TMEM26: variants seen among roughly 807,000 people sequenced by gnomAD.
TMEM26 encodes the protein transmembrane protein 26.
TMEM26 carries 38 observed loss-of-function variants against 28.8 expected under a neutral mutation model. The ratio of observed to expected loss-of-function variants is 1.32; its 90% CI spans 1.02 to 1.73. The LOEUF is 1.73. Among genes scored for constraint, TMEM26 ranks in the 40% most tolerant of loss-of-function variants. The probability of loss-of-function intolerance (pLI) is 0.00; values close to 1 mark genes in which losing one functional copy is unlikely to be tolerated. For synonymous variants in TMEM26, 227 were observed against 182.9 expected (o/e 1.24, Z -1.95); for missense variants, 518 against 447.1 (o/e 1.16, Z -1.43).
At chr10:61,432,911 C>T (rs1365071098) in intron 2 of TMEM26, among the ~76,000 whole-genome samples, 4 of 152,016 alleles carry the variant, frequency 2.6e-5, no homozygotes, top group Non-Finnish European at 5.9e-5. Context: ...GCAGCTAAGC[C>T]TCCAAGAAAA....
chr10:61,452,621 T>A (rs993873027), intron 1 of TMEM26: 2 of 445,346 alleles, frequency 4.5e-6, no homozygotes, highest in Non-Finnish European at 4.1e-6. Context: ...TTCCTCTCTT[T>A]ACTCATCTTC....
intron 4 of TMEM26, among the ~76,000 whole-genome samples, chr10:61,415,387 C>T (rs1481586547): frequency 6.6e-6 from 1 of 152,044 alleles, no homozygotes; most frequent in East Asian, 1.9e-4. Flanking sequence ...CCTCTTTACA[C>T]AGTCAATGTC....
At chr10:61,416,481 T>C (rs918057933) in intron 4 of TMEM26, among the ~76,000 whole-genome samples, 2 of 152,044 alleles carry the variant, frequency 1.3e-5, no homozygotes, top group Non-Finnish European at 2.9e-5. Flanking sequence ...TACTGGATTA[T>C]ATAATAATTT....
intron 1 of TMEM26, among the ~76,000 whole-genome samples, chr10:61,443,464 CA>C (rs397845546): frequency 1.3e-3 from 169 of 130,892 alleles, no homozygotes; most frequent in Admixed American, 2.2e-3. Context: ...GACTCCATCT[CA>C]AAAAAAAAAA....
chr10:61,453,111 T>C lies in TMEM26; in HGVS notation c.-30A>G. 1 of 1,600,264 alleles carries C rather than the reference T, an allele frequency of 6.2e-7. No homozygotes were observed. On this transcript the variant is annotated 5_prime_UTR_variant, in exon 1 of 6. Coordinates refer to ENST00000399298, the MANE Select transcript of TMEM26 (RefSeq NM_178505.8). Reference sequence around the variant, plus strand: ...GCCGGAGCACTCTGCCTACGTCCCCTTGCCTGCGCCCCCAGGACCCTGCCG... The same window carrying C: ...GCCGGAGCACTCTGCCTACGTCCCCCTGCCTGCGCCCCCAGGACCCTGCCG...
rs73265836 is a variant in TMEM26 at position 61,432,887 on chromosome 10, G to A, written c.271-1555C>T. Among the ~76,000 whole-genome samples, 995 of 152,240 alleles carry A rather than the reference G, an allele frequency of 6.5e-3. 16 individuals are homozygous for A. The highest frequency in any genetic ancestry group is 0.023 in the African/African-American group (941 of 41,538). ...ATACAGTTGTTTGCACACTTTGTGT[G>A]TGTGTATATGTGTGCAGCTAAGCCT... On this transcript the variant is annotated intron_variant, in intron 2 of 5. Transcript: ENST00000399298.
chr10:61,431,141 A>T (rs1839914817), intron 3 of TMEM26, 78 bp downstream of exon 3: 3 of 1,124,234 alleles, frequency 2.7e-6, no homozygotes. Context: ...GCTGGGAAGC[A>T]TGTATAGCAG....
intron 3 of TMEM26, among the ~76,000 whole-genome samples, chr10:61,429,505 T>A (rs77872780): frequency 0.11 from 16,675 of 151,902 alleles, 1,173 homozygotes; most frequent in East Asian, 0.21. Context: ...AAAATCCATA[T>A]TAATATCACA....
chr10:61,437,121 CTGACACG>C (rs1226539407), intron 1 of TMEM26, among the ~76,000 whole-genome samples: 1 of 152,174 alleles, frequency 6.6e-6, no homozygotes, highest in Admixed American at 6.5e-5. Context: ...GACTCCCTTC[CTGACACG>C]TAGACAGTGC....
chr10:61,436,289 G>T, intron 1 of TMEM26, 41 bp from the exon 2 acceptor site: 1 of 1,341,252 alleles, frequency 7.5e-7, no homozygotes. Flanking sequence ...GCTAATTTAA[G>T]CTAATTTTCC....
chr10:61,417,465 GTTT>G (rs71018971), intron 4 of TMEM26, among the ~76,000 whole-genome samples: 1 of 139,964 alleles, frequency 7.1e-6, no homozygotes, highest in Admixed American at 7.1e-5. Context: ...AATTCATCTA[GTTT>G]TTTTTTTTTT....
chr10:61,452,988 TC>T lies in TMEM26; in HGVS notation c.93del (p.Lys32ArgfsTer42). On this transcript the variant is annotated frameshift_variant, in exon 1 of 6. Coordinates refer to ENST00000399298, the MANE Select transcript of TMEM26 (RefSeq NM_178505.8). LOFTEE classifies it high-confidence loss of function. Reference protein sequence around the residue: ...LVGVWRVTEVKKEPRYWLLAL... With the variant: ...LVGVWRVTEVXKEPRYWLLAL... Reference sequence around the variant, plus strand: ...GCAAGCAGCCAGTACCGCGGCTCCTTCTTCACCTCGGTCACTCGCCAGACCC... The same window carrying T: ...GCAAGCAGCCAGTACCGCGGCTCCTTTTCACCTCGGTCACTCGCCAGACCC... The T allele has an allele frequency of 6.2e-7, 1 of 1,613,950 alleles. No homozygotes were observed. Among genetic ancestry groups the T allele is most frequent in the South Asian group, 1.1e-5 (1 of 91,082 alleles).
chr10:61,417,390 T>A (rs1839670354), intron 4 of TMEM26, among the ~76,000 whole-genome samples: 1 of 151,622 alleles, frequency 6.6e-6, no homozygotes. Flanking sequence ...ATTTTGCCAA[T>A]GTGCTTAGCT....
At position 61,406,888 on chromosome 10, in the gene TMEM26, C is replaced by A. The variant is rs1263767131; in HGVS notation, c.*3434G>T. 2 of 151,888 alleles carry A rather than the reference C, an allele frequency of 1.3e-5. No homozygotes were observed. The highest frequency in any genetic ancestry group is 4.8e-5 in the African/African-American group (2 of 41,350). 9.4% of individuals were successfully genotyped at this position (151,888 alleles called of 1,614,324 possible). A position where few individuals can be genotyped will look rare whatever the true frequency, so the allele number is the denominator to read the frequency against. On this transcript the variant is annotated 3_prime_UTR_variant, in exon 6 of 6. Coordinates refer to ENST00000399298, the MANE Select transcript of TMEM26 (RefSeq NM_178505.8). Reference sequence around the variant, plus strand: ...CTCAAAGCTGTAAACATCCTCCAGCCGCCTAGTTTAACCCCAAATCAGATG... The same window carrying A: ...CTCAAAGCTGTAAACATCCTCCAGCAGCCTAGTTTAACCCCAAATCAGATG...
At position 61,413,533 on chromosome 10, in the gene TMEM26, T is replaced by G. The variant is rs769654296; in HGVS notation, c.608A>C (p.Asn203Thr). 107 of 1,599,452 alleles carry G rather than the reference T, an allele frequency of 6.7e-5. No homozygotes were observed. In the South Asian group the frequency reaches 1.0e-3, roughly 16 times the overall value. ...GATGGCATAGACTAGTGCAGGACTATTCCTAGAATACAGACAAAATGTTAA... is the reference window on the plus strand; with the variant it reads ...GATGGCATAGACTAGTGCAGGACTAGTCCTAGAATACAGACAAAATGTTAA... ...SETLEEQNVR[N>T]SPALVYAILV... is the part of the protein sequence containing the mutation. The change falls in exon 5 of 6, where the codon AAT (asparagine) becomes ACT (threonine). Residue 203 changes from asparagine to threonine, a missense_variant and splice_region_variant. Coordinates refer to ENST00000399298, the MANE Select transcript of TMEM26 (RefSeq NM_178505.8).
chr10:61,447,814 C>A (rs1424665427), intron 1 of TMEM26, among the ~76,000 whole-genome samples: 1 of 152,188 alleles, frequency 6.6e-6, no homozygotes, highest in African/African-American at 2.4e-5. Context: ...CCAGCCAGGC[C>A]TCTCTGACCA....
intron 4 of TMEM26, among the ~76,000 whole-genome samples, chr10:61,421,225 A>G (rs1839741774): frequency 6.6e-6 from 1 of 152,160 alleles, no homozygotes; most frequent in South Asian, 2.1e-4. Flanking sequence ...GGAGAAATTA[A>G]CAAGAAATTG....
In TMEM26 at chr10:61,415,891, T is replaced by C. The variant is rs555188618; in HGVS notation, c.606-2356A>G. ...TCAAGAAACTAAAAACTAGAGATAA[T>C]TCCTTAGAAGTTTTATTTCATATGT... On this transcript the variant is annotated intron_variant, in intron 4 of 5. Transcript: ENST00000399298. 3.2e-4 allele frequency among the ~76,000 whole-genome samples: 48 copies of C among 152,144 alleles called. No individual in the cohort carries two copies. The South Asian group carries it at 4.1e-3, about 13-fold the overall frequency.
At chr10:61,452,792 C>T (rs1210000960) in intron 1 of TMEM26, 99 bp downstream of exon 1, 44 of 1,416,064 alleles carry the variant, frequency 3.1e-5, no homozygotes, top group Middle Eastern at 2.0e-4. Context: ...GGTCCAAATT[C>T]GAGTAGAATC....
Sources: allele counts gnomAD v4.1 joint callset (sites outside exome capture counted in the v4.1 genomes callset), GRCh38; gene constraint gnomAD v4.1.1; transcripts MANE v1.5; gene names NCBI Gene and HGNC (gene_info 2026-07-23, HGNC 2026-07-21).